The following AGBL1 variants were observed in gnomAD, a reference collection of about 807,000 sequenced individuals.
The protein encoded by AGBL1 is cytosolic carboxypeptidase 4.
A neutral mutation model predicts 118.9 loss-of-function variants in AGBL1; 130 were observed. The observed-to-expected ratio is 1.09, with a 90% CI of 0.95 to 1.26. AGBL1 has a LOEUF of 1.26. AGBL1 is among the 50% of genes most tolerant of loss of function. AGBL1 has a pLI of 0.00. For missense variants in AGBL1, 1,584 were observed against 1,298.1 expected (o/e 1.22, Z -3.38); for synonymous variants, 555 against 478.9 (o/e 1.16, Z -2.08).
At chr15:86,773,957 A>G (rs1461010953) in intron 22 of AGBL1, among the ~76,000 whole-genome samples, 2 of 152,140 alleles carry the variant, frequency 1.3e-5, no homozygotes, top group Admixed American at 6.6e-5. Flanking sequence ...GGGATAGCAC[A>G]GCCATATAAA....
intron 22 of AGBL1, among the ~76,000 whole-genome samples, chr15:86,773,949 G>A (rs1412528910): frequency 2.6e-5 from 4 of 152,076 alleles, no homozygotes; most frequent in Non-Finnish European, 4.4e-5. Context: ...CTCTGAGAGG[G>A]ATAGCACAGC....
At chr15:86,305,766 G>A (rs2079830310) in intron 17 of AGBL1, among the ~76,000 whole-genome samples, 1 of 152,054 alleles carries the variant, frequency 6.6e-6, no homozygotes, top group Admixed American at 6.6e-5. Context: ...TATGTACAGA[G>A]CCTTGAAATT....
At chr15:86,969,236 G>C (rs913578565) in intron 23 of AGBL1, among the ~76,000 whole-genome samples, 1 of 151,962 alleles carries the variant, frequency 6.6e-6, no homozygotes. Flanking sequence ...TTCTGCTCCA[G>C]CTGTGGGCCA....
At chr15:86,370,793 C>T (rs8042448) in intron 17 of AGBL1, among the ~76,000 whole-genome samples, 47,839 of 152,040 alleles carry the variant, frequency 0.31, 8,983 homozygotes, top group East Asian at 0.65. Flanking sequence ...TAGCAGTAAA[C>T]TATTTGAGGG....
Position 86,552,664 on chromosome 15 carries a change from G to T in AGBL1, c.2818-1697G>T, listed in dbSNP as rs558817197. On this transcript the variant is annotated intron_variant, in intron 20 of 22. Transcript: ENST00000614907. The stretch of plus-strand genomic sequence containing the variant: ...GCCCTCATGGAACTTCTAGGCTTCT[G>T]GGGAGATAGAAAACAAACAACTAAT... Among the ~76,000 whole-genome samples, 283 of 152,196 alleles carry T rather than the reference G, an allele frequency of 1.9e-3. 1 individual carries two copies. Among genetic ancestry groups the T allele is most frequent in the African/African-American group, 6.3e-3 (263 of 41,538 alleles).
chr15:86,528,320 C>A (rs1054715465), intron 19 of AGBL1, among the ~76,000 whole-genome samples: 5 of 152,216 alleles, frequency 3.3e-5, no homozygotes, highest in African/African-American at 1.2e-4. Context: ...CAGGGAGTTC[C>A]CTCTCCGAGT....
intron 1 of AGBL1, among the ~76,000 whole-genome samples, chr15:86,087,515 G>A (rs957554805): frequency 1.3e-5 from 2 of 152,004 alleles, no homozygotes; most frequent in African/African-American, 4.8e-5. Context: ...TTTTAGTAGA[G>A]GCTGGGTTTT....
At chr15:86,251,821 G>GA (rs11392440) in intron 7 of AGBL1, among the ~76,000 whole-genome samples, 69,930 of 146,200 alleles carry the variant, frequency 0.48, 16,993 homozygotes, top group African/African-American at 0.61. Context: ...ATGCAAGATT[G>GA]AAAAAAAAAA....
At chr15:86,724,261 G>T (rs1423892494) in intron 22 of AGBL1, among the ~76,000 whole-genome samples, 2 of 133,082 alleles carry the variant, frequency 1.5e-5, no homozygotes, top group South Asian at 2.4e-4. Context: ...AAAAGAAGGT[G>T]TTGAGTATGA....
At chr15:86,400,296 C>G (rs561577805) in intron 18 of AGBL1, among the ~76,000 whole-genome samples, 2 of 152,024 alleles carry the variant, frequency 1.3e-5, no homozygotes, top group Non-Finnish European at 2.9e-5. Flanking sequence ...CCCCCTCATC[C>G]GTGCCTGAAT....
chr15:86,678,271 C>T (rs1415756006), intron 22 of AGBL1, among the ~76,000 whole-genome samples: 1 of 152,098 alleles, frequency 6.6e-6, no homozygotes, highest in Non-Finnish European at 1.5e-5. Flanking sequence ...ACATACAGTA[C>T]TCTCAAAAAC....
chr15:86,846,218 A>C (rs1188889861), intron 22 of AGBL1, among the ~76,000 whole-genome samples: 1 of 152,076 alleles, frequency 6.6e-6, no homozygotes, highest in East Asian at 1.9e-4. Context: ...GCACTCTCTC[A>C]AGCTTTGATT....
chr15:86,632,766 A>G (rs1431682785), intron 21 of AGBL1, among the ~76,000 whole-genome samples: 1 of 149,900 alleles, frequency 6.7e-6, no homozygotes, highest in African/African-American at 2.5e-5. Flanking sequence ...CTTAAGATGC[A>G]TGTGTAGTGT....
chr15:87,015,624 A>G, intron 24 of AGBL1, among the ~76,000 whole-genome samples: 1 of 152,122 alleles, frequency 6.6e-6, no homozygotes, highest in Non-Finnish European at 1.5e-5. Flanking sequence ...GTGGAGGGAA[A>G]CAGATGTGCA....
chr15:86,725,355 T>C (rs1020818277), intron 22 of AGBL1, among the ~76,000 whole-genome samples: 2 of 152,034 alleles, frequency 1.3e-5, no homozygotes, highest in African/African-American at 4.8e-5. Context: ...TCCAGGGTGG[T>C]ATAGATCTCT....
chr15:87,021,045 G>T (rs562872138), intron 24 of AGBL1, among the ~76,000 whole-genome samples: 2 of 151,896 alleles, frequency 1.3e-5, no homozygotes, highest in Non-Finnish European at 2.9e-5. Flanking sequence ...TAGCCAAGAT[G>T]ATCCTAAGCA....
chr15:86,208,269 G>T (rs1434621027), intron 5 of AGBL1, among the ~76,000 whole-genome samples: 2 of 152,146 alleles, frequency 1.3e-5, no homozygotes, highest in Non-Finnish European at 2.9e-5. Context: ...AGGGATATTG[G>T]TCTAAAATTC....
chr15:86,706,363 A>G (rs987273246), intron 22 of AGBL1, among the ~76,000 whole-genome samples: 1 of 152,132 alleles, frequency 6.6e-6, no homozygotes, highest in Non-Finnish European at 1.5e-5. Flanking sequence ...AGCTCTATTT[A>G]ATAAAAAATC....
intron 21 of AGBL1, among the ~76,000 whole-genome samples, chr15:86,626,068 G>A (rs1050132684): frequency 5.3e-5 from 8 of 152,172 alleles, no homozygotes; most frequent in Non-Finnish European, 1.2e-4. Context: ...AGGAAAAAAA[G>A]GGTTGCATTT....
Sources: gnomAD v4.1 joint callset for allele counts (sites outside exome capture counted in the v4.1 genomes callset) on GRCh38, gnomAD v4.1.1 for gene constraint, MANE v1.5 for transcripts, NCBI Gene and HGNC (gene_info 2026-07-23, HGNC 2026-07-21) for gene names.